The following EVPLL variants were observed in gnomAD, a reference collection of about 807,000 sequenced individuals.
EVPLL encodes the protein envoplakin like.
Under a neutral mutation model 46.2 loss-of-function variants are expected in EVPLL, and 39 were observed. The observed-to-expected ratio is 0.84, with a 90% confidence interval of 0.65 to 1.10. The LOEUF (loss-of-function observed/expected upper bound fraction) is 1.10. Ranked by LOEUF, EVPLL falls within the 50% of genes least tolerant of loss-of-function variation. The probability of loss-of-function intolerance (pLI) is 0.00; values close to 1 mark genes in which losing one functional copy is unlikely to be tolerated. For synonymous variants in EVPLL, 156 were observed against 165.8 expected, an observed-to-expected ratio of 0.94 and a Z score of 0.46; for missense variants, 385 against 412.6, an observed-to-expected ratio of 0.93 and a Z score of 0.58.
chr17:18,381,384 G>A lies in EVPLL; in HGVS notation c.81G>A (p.Glu27=). ...GCCCACAGGACCGGCTGAACAGTGA[G>A]CAGAGCCAGGCCCTGCAGCACCAGC... is the stretch of plus-strand genomic sequence containing the variant. ...KRLQQDRLNS[E]QSQALQHQQE... is the part of the protein sequence containing the mutation. The change falls in exon 3 of 11, where the codon GAG becomes GAA. Residue 27 remains glutamate (E), a synonymous_variant. Coordinates refer to ENST00000399134, the MANE Select transcript of EVPLL (RefSeq NM_001145127.2). This position sits in a 1 kb window ranked among gnomAD's most constrained non-coding sequence, Gnocchi z 4.2. 2 of 1,577,590 alleles carry A rather than the reference G, an allele frequency of 1.3e-6. No individual in the cohort carries two copies. The highest frequency in any genetic ancestry group is 1.1e-5 in the South Asian group (1 of 87,302).
chr17:18,383,622 G>T lies in EVPLL; in HGVS notation c.876+35G>T, dbSNP rs1180006277. On this transcript the variant is annotated intron_variant, in intron 9 of 10. Transcript: ENST00000399134. The stretch of plus-strand genomic sequence containing the variant: ...CGGGCAGCGGCAGGGCGGCAGGGCG[G>T]CAGGGCGGGAGGTCCCACAGCACAC... The T allele has an allele frequency of 4.2e-5, 40 of 957,624 alleles. 2 individuals are homozygous for T. The African/African-American group carries it at 1.4e-3, about 32-fold the overall frequency. 59.3% of individuals were successfully genotyped at this position (957,624 alleles called of 1,614,324 possible).
chr17:18,387,626 G>A (rs2449955), intron 9 of EVPLL, among the ~76,000 whole-genome samples: 52,865 of 150,526 alleles, frequency 0.35, 9,754 homozygotes, highest in Non-Finnish European at 0.4. Flanking sequence ...ATTCACAGTA[G>A]GAGGGGGGCT....
Position 18,381,841 on chromosome 17 carries a change from G to A in EVPLL, c.346+111G>A. 6.5e-7 allele frequency: 1 copy of A among 1,534,242 alleles called. No individual in the cohort carries two copies. Among genetic ancestry groups the A allele is most frequent in the Admixed American group, 1.7e-5 (1 of 57,228 alleles). On this transcript the variant is annotated intron_variant, in intron 4 of 10. Transcript: ENST00000399134. The surrounding 1 kb of genome is among the most constrained non-coding windows in gnomAD (Gnocchi z 4.2). ...AGTCAGTGTATAGTGGTGTCTCAGG[G>A]GTCTGGGCAGGGAGACAGCAGAGGA...
rs1987661890 is a variant in EVPLL at position 18,383,392 on chromosome 17, A to C, written c.780+14A>C. 9.0e-7 allele frequency: 1 copy of C among 1,112,202 alleles called. No homozygotes were observed. Among genetic ancestry groups the C allele is most frequent in the African/African-American group, 2.1e-5 (1 of 48,660 alleles). The allele number at this position is 1,112,202 out of a possible 1,614,324, so 68.9% of individuals were successfully genotyped here. On this transcript the variant is annotated intron_variant, in intron 8 of 10. Coordinates refer to ENST00000399134, the MANE Select transcript of EVPLL (RefSeq NM_001145127.2). The stretch of plus-strand genomic sequence containing the variant: ...GGGCCCATCCAGGTGCGCTGGGGGC[A>C]GGGCGAGAGTGAGAAGGGACGTGGT...
At chr17:18,386,818 G>A (rs1014660755) in intron 9 of EVPLL, among the ~76,000 whole-genome samples, 5 of 151,962 alleles carry the variant, frequency 3.3e-5, no homozygotes, top group African/African-American at 7.3e-5. Context: ...TAGGGGTGCT[G>A]AAAAGGTGTT....
At chr17:18,382,271 G>T in intron 4 of EVPLL, 1 of 444,318 alleles carries the variant, frequency 2.3e-6, no homozygotes. Flanking sequence ...TTCTGAGGCT[G>T]AGCCCAGCGT....
Position 18,381,478 on chromosome 17 carries a change from GC to G in EVPLL, c.178del (p.Arg60GlyfsTer22). 6.2e-7 allele frequency: 1 copy of G among 1,613,872 alleles called. No homozygotes were observed. Among genetic ancestry groups the G allele is most frequent in the South Asian group, 1.1e-5 (1 of 91,076 alleles). On this transcript the variant is annotated frameshift_variant, in exon 3 of 11. Coordinates refer to ENST00000399134, the MANE Select transcript of EVPLL (RefSeq NM_001145127.2). LOFTEE classifies it high-confidence loss of function. This position sits in a 1 kb window ranked among gnomAD's most constrained non-coding sequence, Gnocchi z 4.2. Reference protein sequence around the residue: ...LKDLFLDVDKARRLKHPQAEE... With the variant: ...LKDLFLDVDKXRRLKHPQAEE... ...GGACCTCTTCCTGGACGTGGACAAG[GC>G]CCGGCGGCTCAAGCACCCGCAGGCT... is the stretch of plus-strand genomic sequence containing the variant.
chr17:18,386,293 C>T (rs1987761476), intron 9 of EVPLL: 1 of 152,174 alleles, frequency 6.6e-6, no homozygotes, highest in Non-Finnish European at 1.5e-5. Context: ...TTGGGCACCC[C>T]CTACTGATCT....
intron 1 of EVPLL, among the ~76,000 whole-genome samples, chr17:18,378,356 G>A (rs1275662954): frequency 6.6e-6 from 1 of 152,146 alleles, no homozygotes; most frequent in East Asian, 1.9e-4. Context: ...CTGCCCCAAG[G>A]CTCTACTTGG....
rs189111648 is a variant in EVPLL at position 18,385,321 on chromosome 17, C to A, written c.876+1734C>A. 2.7e-3 allele frequency among the ~76,000 whole-genome samples: 247 copies of A among 90,884 alleles called. 85 individuals are homozygous for A. In the Middle Eastern group the frequency reaches 0.029, roughly 11 times the overall value. The allele number at this position is 90,884 out of a possible 152,430, so 59.6% of individuals were successfully genotyped here. A position where few individuals can be genotyped will look rare whatever the true frequency, so the allele number is the denominator to read the frequency against. ...ATGGCTCCACTGAACGCTGCCCCCT[C>A]GGTTCGGGAGGACCAGTGGTGCCCC... On this transcript the variant is annotated intron_variant, in intron 9 of 10. Coordinates refer to ENST00000399134, the MANE Select transcript of EVPLL (RefSeq NM_001145127.2).
At position 18,381,135 on chromosome 17, in the gene EVPLL, T is replaced by G; in HGVS notation, c.63+135T>G. ...CAGATGACATTTGTCCTGCACCGCC[T>G]GTCCCCTAACACACGGTGGGAGAGA... is the stretch of plus-strand genomic sequence containing the variant. On this transcript the variant is annotated intron_variant, in intron 2 of 10. Transcript: ENST00000399134. This position sits in a 1 kb window ranked among gnomAD's most constrained non-coding sequence, Gnocchi z 4.2. The G allele has an allele frequency of 8.0e-7, 1 of 1,251,142 alleles. No individual in the cohort carries two copies. The highest frequency in any genetic ancestry group is 1.1e-6 in the Non-Finnish European group (1 of 894,116). 77.5% of individuals were successfully genotyped at this position (1,251,142 alleles called of 1,614,324 possible). A position where few individuals can be genotyped will look rare whatever the true frequency, so the allele number is the denominator to read the frequency against.
intron 1 of EVPLL, among the ~76,000 whole-genome samples, chr17:18,379,013 G>A (rs990824566): frequency 2.0e-5 from 3 of 152,216 alleles, no homozygotes; most frequent in South Asian, 2.1e-4. Context: ...CCGGGAAGTC[G>A]AGGCTGCAGT....
chr17:18,384,900 G>A (rs1216350951), intron 9 of EVPLL, among the ~76,000 whole-genome samples: 1 of 152,174 alleles, frequency 6.6e-6, no homozygotes, highest in African/African-American at 2.4e-5. Context: ...CTGCAGAGGA[G>A]GCAGCAGCGA....
chr17:18,380,298 A>G (rs1598094121), intron 1 of EVPLL: 2 of 152,482 alleles, frequency 1.3e-5, no homozygotes, highest in African/African-American at 4.8e-5. Flanking sequence ...TTAGGGCACA[A>G]TCTGGGCTTT....
In EVPLL at chr17:18,382,621, C is replaced by T. The variant is rs993235438; in HGVS notation, c.455C>T (p.Ala152Val). The T allele has an allele frequency of 3.2e-6, 5 of 1,551,836 alleles. No individual in the cohort carries two copies. In the African/African-American group the frequency reaches 6.8e-5, roughly 21 times the overall value. ...EGDQRPRRAA[A>V]EPGGAGCRHH... ...GATCAACGACCAAGGAGAGCAGCTGCGGAGCCTGGTGGGGCCGGTGGGTGA... is the reference window on the plus strand; with the variant it reads ...GATCAACGACCAAGGAGAGCAGCTGTGGAGCCTGGTGGGGCCGGTGGGTGA... The change falls in exon 5 of 11, where the codon GCG (alanine) becomes GTG (valine). Residue 152 changes from alanine (A) to valine (V), a missense_variant. Physicochemically the swap from Ala to Val is moderately conservative, Grantham distance 64. Transcript: ENST00000399134.
chr17:18,384,984 G>C lies in EVPLL; in HGVS notation c.876+1397G>C, dbSNP rs62074173. The stretch of plus-strand genomic sequence containing the variant: ...GAGGAGGATGGAGAGAGCAGAGAGA[G>C]AGAAACAGAGATGGGGAAAGGGGCA... On this transcript the variant is annotated intron_variant, in intron 9 of 10. Transcript: ENST00000399134. 7.1e-5 allele frequency among the ~76,000 whole-genome samples: 7 copies of C among 99,106 alleles called. No individual in the cohort carries two copies. The East Asian group carries it at 1.6e-3, about 22-fold the overall frequency. The allele number at this position is 99,106 out of a possible 152,430, so 65.0% of individuals were successfully genotyped here. A position where few individuals can be genotyped will look rare whatever the true frequency, so the allele number is the denominator to read the frequency against.
chr17:18,381,803 T>G lies in EVPLL; in HGVS notation c.346+73T>G. The G allele has an allele frequency of 6.2e-7, 1 of 1,607,408 alleles. No homozygotes were observed. Reference sequence around the variant, plus strand: ...AACTGCATTTAACCCAGGGCCTGACTGTAGGCTTGAACAGTCAGTGTATAG... The same window carrying G: ...AACTGCATTTAACCCAGGGCCTGACGGTAGGCTTGAACAGTCAGTGTATAG... On this transcript the variant is annotated intron_variant, in intron 4 of 10. Coordinates refer to ENST00000399134, the MANE Select transcript of EVPLL (RefSeq NM_001145127.2). The surrounding 1 kb of genome is among the most constrained non-coding windows in gnomAD (Gnocchi z 4.2).
In EVPLL at chr17:18,383,035, C is replaced by T. The variant is rs750447757; in HGVS notation, c.522C>T (p.Val174=). ...GGGTCCTGAGCACAGAGGGCGGCGTCGTGGCGCGGGCAGAGCCTGGGCAGC... is the reference window on the plus strand; with the variant it reads ...GGGTCCTGAGCACAGAGGGCGGCGTTGTGGCGCGGGCAGAGCCTGGGCAGC... ...EPIPRPTEGG[V]VARAEPGQPV... is the part of the protein sequence containing the mutation. Residue 174 remains valine (V), a synonymous_variant, in exon 7 of 11, where the codon GTC becomes GTT. Coordinates refer to ENST00000399134, the MANE Select transcript of EVPLL (RefSeq NM_001145127.2). 8 of 1,558,266 alleles carry T rather than the reference C, an allele frequency of 5.1e-6. No homozygotes were observed. In the South Asian group the frequency reaches 8.1e-5, roughly 16 times the overall value.
intron 9 of EVPLL, among the ~76,000 whole-genome samples, chr17:18,387,530 A>C (rs1987807148): frequency 1.1e-5 from 1 of 94,140 alleles, no homozygotes; most frequent in African/African-American, 4.5e-5. Context: ...CCTACTCAGC[A>C]GTTACTCAGC....
Sources: gnomAD v4.1 joint callset for allele counts (sites outside exome capture counted in the v4.1 genomes callset) on GRCh38, gnomAD v4.1.1 for gene constraint, Gnocchi (gnomAD v3.1) non-coding constraint, MANE v1.5 for transcripts, NCBI Gene and HGNC (gene_info 2026-07-23, HGNC 2026-07-21) for gene names.